Variants in SUPT3H observed in about 807,000 individuals in gnomAD.
The protein encoded by SUPT3H is SPT3 homolog, SAGA and STAGA complex component, also known as transcription initiation protein SPT3 homolog.
In SUPT3H, 44 loss-of-function variants were observed where a neutral mutation model predicts 44.3. That is an observed-to-expected ratio of 0.99 (90% CI 0.78 to 1.28). The LOEUF is 1.28. Among genes scored for constraint, SUPT3H ranks in the 50% most tolerant of loss-of-function variants. The pLI, the probability that SUPT3H is intolerant of heterozygous loss-of-function variation, is 0.00. For missense variants in SUPT3H, 380 were observed against 387.1 expected (o/e 0.98, Z 0.15); for synonymous variants, 124 against 125.6 (o/e 0.99, Z 0.09).
chr6:44,991,248 A>G (rs1780578443), intron 6 of SUPT3H, among the ~76,000 whole-genome samples: 1 of 152,126 alleles, frequency 6.6e-6, no homozygotes, highest in South Asian at 2.1e-4. Context: ...GAGAGTAAAA[A>G]TTTTCGGAAT....
chr6:44,866,691 T>C (rs1775560925), intron 10 of SUPT3H, among the ~76,000 whole-genome samples: 1 of 152,228 alleles, frequency 6.6e-6, no homozygotes, highest in Non-Finnish European at 1.5e-5. Context: ...GTTAAAGACC[T>C]GAAATCATTG....
At chr6:45,252,174 C>T (rs1244043882) in intron 2 of SUPT3H, among the ~76,000 whole-genome samples, 1 of 152,114 alleles carries the variant, frequency 6.6e-6, no homozygotes, top group Non-Finnish European at 1.5e-5. Flanking sequence ...ATTTAGCTCT[C>T]ATCAACAACA....
At chr6:45,142,764 A>AAAAAAAAAAG (rs1805441110) in intron 2 of SUPT3H, among the ~76,000 whole-genome samples, 11 of 127,108 alleles carry the variant, frequency 8.7e-5, no homozygotes, top group Admixed American at 1.7e-4. Flanking sequence ...AAAAAAAAAA[A>AAAAAAAAAAG]GCAGAATGGC....
At chr6:45,116,905 C>A (rs547741856) in intron 2 of SUPT3H, among the ~76,000 whole-genome samples, 1 of 152,182 alleles carries the variant, frequency 6.6e-6, no homozygotes, top group African/African-American at 2.4e-5. Flanking sequence ...CAGCCAAAGA[C>A]AACCACTAAT....
intron 6 of SUPT3H, among the ~76,000 whole-genome samples, chr6:44,965,080 A>T (rs554288189): frequency 4.6e-5 from 7 of 152,292 alleles, no homozygotes; most frequent in African/African-American, 1.4e-4. Flanking sequence ...AAAACATGTC[A>T]TGTAGCTCCT....
chr6:44,970,385 T>G (rs1445364808), intron 6 of SUPT3H, among the ~76,000 whole-genome samples: 1 of 152,212 alleles, frequency 6.6e-6, no homozygotes, highest in Non-Finnish European at 1.5e-5. Flanking sequence ...CCTGTCAAGT[T>G]GTAAATCCCA....
intron 3 of SUPT3H, among the ~76,000 whole-genome samples, chr6:45,069,137 G>T (rs917135202): frequency 6.6e-6 from 1 of 152,106 alleles, no homozygotes; most frequent in Non-Finnish European, 1.5e-5. Flanking sequence ...GAAGGTGAAG[G>T]ATAAAGAGGG....
intron 6 of SUPT3H, among the ~76,000 whole-genome samples, chr6:44,970,992 G>GAAGGC (rs1777496136): frequency 6.6e-6 from 1 of 152,162 alleles, no homozygotes; most frequent in Non-Finnish European, 1.5e-5. Flanking sequence ...TGTGAAAAGG[G>GAAGGC]AAGCCTGTCA....
At chr6:45,262,991 G>A (rs1774636305) in intron 2 of SUPT3H, among the ~76,000 whole-genome samples, 1 of 152,104 alleles carries the variant, frequency 6.6e-6, no homozygotes, top group South Asian at 2.1e-4. Flanking sequence ...AAAAATAATA[G>A]ATGTAGGTGA....
intron 11 of SUPT3H, among the ~76,000 whole-genome samples, chr6:44,816,907 A>AC (rs199601954): frequency 6.2e-4 from 94 of 150,814 alleles, no homozygotes; most frequent in African/African-American, 1.8e-3. Context: ...AACAACAACA[A>AC]AAAAAATGCC....
At chr6:44,893,650 T>C (rs1257999012) in intron 10 of SUPT3H, among the ~76,000 whole-genome samples, 1 of 151,604 alleles carries the variant, frequency 6.6e-6, no homozygotes, top group South Asian at 2.1e-4. Flanking sequence ...GTTCCAAGTC[T>C]TTGCTATTGT....
At chr6:45,062,613 G>A (rs1016690908) in intron 3 of SUPT3H, among the ~76,000 whole-genome samples, 3 of 152,170 alleles carry the variant, frequency 2.0e-5, no homozygotes, top group African/African-American at 4.8e-5. Flanking sequence ...CGCACCATGC[G>A]CAAGCCGAAG....
At chr6:45,069,151 A>G in intron 3 of SUPT3H, among the ~76,000 whole-genome samples, 1 of 152,182 alleles carries the variant, frequency 6.6e-6, no homozygotes, top group Admixed American at 6.5e-5. Flanking sequence ...AAGAGGGATT[A>G]TCTGTGGCCT....
intron 10 of SUPT3H, among the ~76,000 whole-genome samples, chr6:44,880,428 T>C (rs374794318): frequency 5.3e-5 from 8 of 152,144 alleles, no homozygotes; most frequent in African/African-American, 1.9e-4. Flanking sequence ...TGGGACTATG[T>C]GAAAAGACCA....
chr6:44,899,884 G>T (rs114367690), intron 10 of SUPT3H, among the ~76,000 whole-genome samples: 55 of 152,260 alleles, frequency 3.6e-4, no homozygotes, highest in African/African-American at 1.3e-3. Flanking sequence ...GAAACTAAGG[G>T]TGTCTGATTA....
intron 2 of SUPT3H, among the ~76,000 whole-genome samples, chr6:45,136,337 A>G (rs1430995553): frequency 1.3e-5 from 2 of 152,170 alleles, no homozygotes; most frequent in Non-Finnish European, 2.9e-5. Flanking sequence ...AAAATCAACA[A>G]TAACAATAAC....
intron 2 of SUPT3H, among the ~76,000 whole-genome samples, chr6:45,216,955 A>G (rs56000304): frequency 0.035 from 5,311 of 152,260 alleles, 124 homozygotes; most frequent in Non-Finnish European, 0.056. Flanking sequence ...TCACAGAAGT[A>G]GGGCATAGAA....
intron 3 of SUPT3H, among the ~76,000 whole-genome samples, chr6:45,074,943 G>T (rs541603598): frequency 6.6e-6 from 1 of 152,100 alleles, no homozygotes; most frequent in African/African-American, 2.4e-5. Flanking sequence ...TCTGCTATGT[G>T]CTTCGTGCTA....
In SUPT3H at chr6:45,000,237, T is replaced by C. The variant is rs569619851; in HGVS notation, c.504+3416A>G. Among the ~76,000 whole-genome samples, 28 of 152,176 alleles carry C rather than the reference T, an allele frequency of 1.8e-4. No homozygotes were observed. The Middle Eastern group carries it at 0.01, about 55-fold the overall frequency. On this transcript the variant is annotated intron_variant, in intron 6 of 10. Transcript: ENST00000371459. The stretch of plus-strand genomic sequence containing the variant: ...CTCAACTTTTTAAACTTTTCTGGTA[T>C]TTGTGAATGTTTATCTTACTGGGAT...
Sources: allele counts gnomAD v4.1 joint callset (sites outside exome capture counted in the v4.1 genomes callset), GRCh38; gene constraint gnomAD v4.1.1; transcripts MANE v1.5; gene names NCBI Gene and HGNC (gene_info 2026-07-23, HGNC 2026-07-21).